Variants in PSME4 observed in about 807,000 individuals in gnomAD.
PSME4 encodes the protein proteasome activator subunit 4.
In PSME4, 89 loss-of-function variants were observed where a neutral mutation model predicts 253.9. That is an observed-to-expected ratio of 0.35 (90% CI 0.30 to 0.42). The LOEUF is 0.42. PSME4 is among the 10% of genes least tolerant of loss of function. PSME4 has a pLI of 1.00. For synonymous variants in PSME4, 851 were observed against 759.2 expected (o/e 1.12, Z -1.99); for missense variants, 2,014 against 2,195.2 (o/e 0.92, Z 1.65).
rs375823313 is a variant in PSME4, at chr2:53,939,973, G to A, written c.528C>T (p.Leu176=). 5 of 1,595,730 alleles carry A rather than the reference G, an allele frequency of 3.1e-6. No individual in the cohort carries two copies. Among genetic ancestry groups the A allele is most frequent in the African/African-American group, 1.3e-5 (1 of 74,558 alleles). The change falls in exon 4 of 47, where the codon CTC becomes CTT. Residue 176 remains leucine, a synonymous_variant. Coordinates refer to ENST00000404125, the MANE Select transcript of PSME4 (RefSeq NM_014614.3). ...PNSVENILKT[L]VKSCRPYFPA... is the part of the protein sequence containing the mutation. ...CTACTTACGGTCGGCAGCTTTTCAC[G>A]AGTGTTTTGAGAATATTTTCTACAG...
chr2:53,925,702 A>T lies in PSME4; in HGVS notation c.1659-13T>A. 6.3e-7 allele frequency: 1 copy of T among 1,590,306 alleles called. No homozygotes were observed. Among genetic ancestry groups the T allele is most frequent in the Non-Finnish European group, 8.6e-7 (1 of 1,161,944 alleles). ...AAGTCCAAAACATCTAAATAATCCA[A>T]ACAAAGCATAATTTCAGCAACTAAA... On this transcript the variant is annotated splice_polypyrimidine_tract_variant and intron_variant, in intron 13 of 46. Transcript: ENST00000404125.
At chr2:53,931,720 A>C in intron 10 of PSME4, 115 bp downstream of exon 10, 1 of 1,121,528 alleles carries the variant, frequency 8.9e-7, no homozygotes, top group Non-Finnish European at 1.3e-6. Context: ...CTCCTCTAGG[A>C]ACAGGAATAA....
intron 44 of PSME4, among the ~76,000 whole-genome samples, chr2:53,867,939 G>C (rs963516242): frequency 3.3e-5 from 5 of 152,094 alleles, no homozygotes; most frequent in African/African-American, 9.7e-5. Flanking sequence ...CTGTAGTAGT[G>C]TAAGTTAGTT....
intron 41 of PSME4, among the ~76,000 whole-genome samples, chr2:53,884,020 G>A (rs1297011277): frequency 2.6e-5 from 4 of 152,078 alleles, no homozygotes; most frequent in East Asian, 3.9e-4. Context: ...TAGTAAACAC[G>A]TTTCTTTTAA....
chr2:53,876,101 G>A (rs1679102460), intron 41 of PSME4, among the ~76,000 whole-genome samples: 1 of 151,986 alleles, frequency 6.6e-6, no homozygotes, highest in Non-Finnish European at 1.5e-5. Context: ...ATAAAACTTC[G>A]TTACAGTTAT....
At chr2:53,960,883 G>A (rs536437944) in intron 1 of PSME4, among the ~76,000 whole-genome samples, 4 of 152,092 alleles carry the variant, frequency 2.6e-5, no homozygotes, top group Admixed American at 1.3e-4. Flanking sequence ...CAAGGCAGGC[G>A]GATCACGTGA....
At chr2:53,923,272 T>C (rs1407806357) in intron 15 of PSME4, 49 bp downstream of exon 15, 2 of 1,545,314 alleles carry the variant, frequency 1.3e-6, no homozygotes, top group Middle Eastern at 3.5e-4. Context: ...CCATATAAAC[T>C]AGTTGATTGT....
intron 1 of PSME4, among the ~76,000 whole-genome samples, chr2:53,965,495 C>G (rs1175108564): frequency 1.3e-5 from 2 of 151,900 alleles, no homozygotes; most frequent in Non-Finnish European, 2.9e-5. Flanking sequence ...GGATTACAGG[C>G]GTGAGCCGCC....
chr2:53,958,379 A>C (rs1469933770), intron 1 of PSME4, among the ~76,000 whole-genome samples: 1 of 142,446 alleles, frequency 7.0e-6, no homozygotes, highest in Non-Finnish European at 1.6e-5. Context: ...AAACAAAAAA[A>C]CAAAAACTTG....
chr2:53,911,316 G>T (rs1268412689), intron 20 of PSME4, among the ~76,000 whole-genome samples: 1 of 152,186 alleles, frequency 6.6e-6, no homozygotes, highest in East Asian at 1.9e-4. Context: ...TATATTAATA[G>T]TATCAAACGT....
At chr2:53,952,415 G>C (rs576697603) in intron 1 of PSME4, among the ~76,000 whole-genome samples, 1 of 152,112 alleles carries the variant, frequency 6.6e-6, no homozygotes, top group Non-Finnish European at 1.5e-5. Flanking sequence ...GGTGGTGCGC[G>C]CCTCTAATCC....
chr2:53,876,984 A>G (rs1679163871), intron 41 of PSME4, among the ~76,000 whole-genome samples: 1 of 151,826 alleles, frequency 6.6e-6, no homozygotes, highest in African/African-American at 2.4e-5. Flanking sequence ...TGGCCTCCCA[A>G]AGTGCTGAGA....
At chr2:53,953,727 T>C (rs544367106) in intron 1 of PSME4, among the ~76,000 whole-genome samples, 1 of 152,248 alleles carries the variant, frequency 6.6e-6, no homozygotes, top group African/African-American at 2.4e-5. Flanking sequence ...AACCCTACTT[T>C]AGACTGTATC....
At chr2:53,969,259 G>A (rs1387139764) in intron 1 of PSME4, among the ~76,000 whole-genome samples, 2 of 152,126 alleles carry the variant, frequency 1.3e-5, no homozygotes, top group East Asian at 3.8e-4. Flanking sequence ...TCTAGTCAAG[G>A]GGAGAGCTGT....
At chr2:53,968,730 C>T (rs1481634883) in intron 1 of PSME4, among the ~76,000 whole-genome samples, 1 of 152,208 alleles carries the variant, frequency 6.6e-6, no homozygotes, top group Admixed American at 6.5e-5. Flanking sequence ...ATTAAGCCAT[C>T]AGCTATCTGC....
In PSME4 at chr2:53,901,402, T is replaced by C. The variant is rs1680392489; in HGVS notation, c.3233A>G (p.Asp1078Gly). The change falls in exon 28 of 47, where the codon GAT (aspartate) becomes GGT (glycine). Residue 1078 changes from aspartate to glycine, a missense_variant. Coordinates refer to ENST00000404125, the MANE Select transcript of PSME4 (RefSeq NM_014614.3). ...EKPSIVRLFD[D>G]LAEKIHRQYE... is the part of the protein sequence containing the mutation. Reference sequence around the variant, plus strand: ...CTGCCTATGAATCTTTTCTGCAAGATCATCAAACAATCTCACTATTGATGG... The same window carrying C: ...CTGCCTATGAATCTTTTCTGCAAGACCATCAAACAATCTCACTATTGATGG... 4 of 1,614,026 alleles carry C rather than the reference T, an allele frequency of 2.5e-6. No homozygotes were observed. Among genetic ancestry groups the C allele is most frequent in the Non-Finnish European group, 2.5e-6 (3 of 1,180,000 alleles).
At chr2:53,939,761 C>A (rs1047901914) in intron 4 of PSME4, among the ~76,000 whole-genome samples, 195 bp downstream of exon 4, 2 of 152,114 alleles carry the variant, frequency 1.3e-5, no homozygotes, top group African/African-American at 4.8e-5. Context: ...CAATGGATGA[C>A]TTTAAAATTT....
intron 41 of PSME4, among the ~76,000 whole-genome samples, chr2:53,882,046 A>G (rs1266077658): frequency 6.6e-6 from 1 of 151,730 alleles, no homozygotes; most frequent in Non-Finnish European, 1.5e-5. Flanking sequence ...ATTTTAATAC[A>G]TATATATTTC....
intron 20 of PSME4, among the ~76,000 whole-genome samples, chr2:53,916,954 CATT>C: frequency 6.6e-6 from 1 of 152,014 alleles, no homozygotes; most frequent in South Asian, 2.1e-4. Context: ...TTTATACAAT[CATT>C]ATCCCCCACA....
Sources: allele counts gnomAD v4.1 joint callset (sites outside exome capture counted in the v4.1 genomes callset), GRCh38; gene constraint gnomAD v4.1.1; transcripts MANE v1.5; gene names NCBI Gene and HGNC (gene_info 2026-07-23, HGNC 2026-07-21).